SLC7A11: variants seen among roughly 807,000 people sequenced by gnomAD.
SLC7A11 encodes the protein cystine/glutamate transporter.
A neutral mutation model predicts 54.5 loss-of-function variants in SLC7A11; 35 were observed. The ratio of observed to expected loss-of-function variants is 0.64; its 90% CI spans 0.49 to 0.85. The LOEUF (loss-of-function observed/expected upper bound fraction) is 0.85, where lower values mean the gene tolerates loss of function less well. Among genes scored for constraint, SLC7A11 ranks in the 40% least tolerant of loss-of-function variants. SLC7A11 has a pLI of 0.00. For synonymous variants in SLC7A11, 230 were observed against 225.2 expected (o/e 1.02, Z -0.19); for missense variants, 583 against 618.1 (o/e 0.94, Z 0.60).
intron 1 of SLC7A11, among the ~76,000 whole-genome samples, chr4:138,239,880 T>C (rs911834229): frequency 6.6e-6 from 1 of 152,188 alleles, no homozygotes; most frequent in African/African-American, 2.4e-5. Context: ...AGTAAACTGG[T>C]TGTGGTTTTT....
At chr4:138,197,021 C>G (rs1372331830) in intron 6 of SLC7A11, among the ~76,000 whole-genome samples, 1 of 152,098 alleles carries the variant, frequency 6.6e-6, no homozygotes, top group African/African-American at 2.4e-5. Flanking sequence ...AAATTTGATT[C>G]AAATATTTTT....
chr4:138,189,829 T>A (rs936190765), intron 6 of SLC7A11, among the ~76,000 whole-genome samples: 1 of 152,112 alleles, frequency 6.6e-6, no homozygotes, highest in African/African-American at 2.4e-5. Flanking sequence ...ATCCTTGCTA[T>A]GAAAATGAAA....
chr4:138,240,166 A>T (rs1003876854), intron 1 of SLC7A11, among the ~76,000 whole-genome samples: 1 of 152,208 alleles, frequency 6.6e-6, no homozygotes, highest in African/African-American at 2.4e-5. Flanking sequence ...CAAGTTAGTT[A>T]TAAATAATAC....
chr4:138,237,733 ATATATTTTTTTTTTTTTTT>A (rs1380579490), intron 1 of SLC7A11, among the ~76,000 whole-genome samples: 13 of 11,556 alleles, frequency 1.1e-3, no homozygotes, highest in Admixed American at 5.8e-3. Flanking sequence ...ATATATATAT[ATATATTTTTTTTTTTTTTT>A]TTTTTTTTTT....
At chr4:138,214,518 C>T in intron 6 of SLC7A11, 67 bp downstream of exon 6, 1 of 907,562 alleles carries the variant, frequency 1.1e-6, no homozygotes, top group Non-Finnish European at 1.7e-6. Context: ...TTCAAGTCTG[C>T]TTTTTAAACT....
intron 6 of SLC7A11, among the ~76,000 whole-genome samples, chr4:138,185,597 C>A (rs1049572457): frequency 6.6e-6 from 1 of 152,120 alleles, no homozygotes; most frequent in Non-Finnish European, 1.5e-5. Context: ...AGCTCCACCC[C>A]ACAGTTTCCA....
chr4:138,193,180 T>G (rs1737053651), intron 6 of SLC7A11, among the ~76,000 whole-genome samples: 1 of 152,082 alleles, frequency 6.6e-6, no homozygotes, highest in Non-Finnish European at 1.5e-5. Context: ...CACCCAAAAT[T>G]GCCTCCAACA....
intron 6 of SLC7A11, 142 bp from the exon 7 acceptor site, chr4:138,185,386 T>A: frequency 1.1e-6 from 1 of 926,302 alleles, no homozygotes; most frequent in Non-Finnish European, 1.6e-6. Flanking sequence ...TATAAACATT[T>A]CATCAGGGCA....
rs113689212 is a variant in SLC7A11 at position 138,220,562 on chromosome 4, C to T, written c.647-1197G>A. On this transcript the variant is annotated intron_variant, in intron 4 of 11. Transcript: ENST00000280612. The stretch of plus-strand genomic sequence containing the variant: ...TGAATTGAACACTTCACCTTTTTCT[C>T]TATTTTATGAATCACATTGGAGCTT... Among the ~76,000 whole-genome samples, 540 of 152,232 alleles carry T rather than the reference C, an allele frequency of 3.5e-3. 2 individuals carry two copies. The highest frequency in any genetic ancestry group is 0.013 in the African/African-American group (522 of 41,558).
chr4:138,171,903 C>G lies in SLC7A11; in HGVS notation c.*53G>C, dbSNP rs1245639719. The stretch of plus-strand genomic sequence containing the variant: ...GACTTTCAGAAAATGAAGTAAAAAT[C>G]CCTATTTTGTGTCTCCCCTTGGGCA... On this transcript the variant is annotated 3_prime_UTR_variant, in exon 12 of 12. Transcript: ENST00000280612. The G allele has an allele frequency of 1.3e-6, 2 of 1,549,246 alleles. No individual in the cohort carries two copies. The highest frequency in any genetic ancestry group is 1.4e-5 in the African/African-American group (1 of 70,404).
intron 6 of SLC7A11, among the ~76,000 whole-genome samples, chr4:138,212,522 T>C (rs2148437531): frequency 6.6e-6 from 1 of 151,054 alleles, no homozygotes; most frequent in African/African-American, 2.4e-5. Flanking sequence ...AAAAAAACAC[T>C]GAATCAATAC....
At chr4:138,204,567 A>C (rs1020031370) in intron 6 of SLC7A11, among the ~76,000 whole-genome samples, 1 of 152,032 alleles carries the variant, frequency 6.6e-6, no homozygotes, top group African/African-American at 2.4e-5. Flanking sequence ...TCAGATCAAG[A>C]TCTTGTTTGT....
In SLC7A11 at chr4:138,168,750, G is replaced by A. The variant is rs1240540646; in HGVS notation, c.*3206C>T. On this transcript the variant is annotated 3_prime_UTR_variant, in exon 12 of 12. Coordinates refer to ENST00000280612, the MANE Select transcript of SLC7A11 (RefSeq NM_014331.4). ...AGCTACAGTCTAAATGCATACGCATGTTGGGAACCGAAGTCAGCCATCTTC... is the reference window on the plus strand; with the variant it reads ...AGCTACAGTCTAAATGCATACGCATATTGGGAACCGAAGTCAGCCATCTTC... The A allele has an allele frequency of 1.3e-5, 2 of 152,160 alleles. No homozygotes were observed. The highest frequency in any genetic ancestry group is 2.4e-5 in the African/African-American group (1 of 41,428). The allele number at this position is 152,160 out of a possible 1,614,324, so 9.4% of individuals were successfully genotyped here.
chr4:138,173,598 C>G (rs1259834409), intron 11 of SLC7A11, among the ~76,000 whole-genome samples: 2 of 151,510 alleles, frequency 1.3e-5, no homozygotes, highest in African/African-American at 4.9e-5. Flanking sequence ...TGCACCATTA[C>G]ACTCCAGCGT....
chr4:138,188,656 G>A (rs1238572719), intron 6 of SLC7A11, among the ~76,000 whole-genome samples: 4 of 152,248 alleles, frequency 2.6e-5, no homozygotes, highest in Non-Finnish European at 4.4e-5. Context: ...GGCTTTAGAC[G>A]CACAGCGCAG....
At chr4:138,180,303 ACT>A (rs1276814881) in intron 10 of SLC7A11, among the ~76,000 whole-genome samples, 3 of 152,102 alleles carry the variant, frequency 2.0e-5, no homozygotes, top group African/African-American at 7.2e-5. Flanking sequence ...GCTGTCCACA[ACT>A]CTAGCATAAA....
At chr4:138,228,949 C>T (rs1256679044) in intron 3 of SLC7A11, among the ~76,000 whole-genome samples, 2 of 152,006 alleles carry the variant, frequency 1.3e-5, no homozygotes, top group Non-Finnish European at 2.9e-5. Context: ...AAATGAAATA[C>T]AGTACTTAAA....
At chr4:138,228,737 C>T (rs1913363) in intron 3 of SLC7A11, among the ~76,000 whole-genome samples, 1,291 of 111,852 alleles carry the variant, frequency 0.012, 35 homozygotes, top group African/African-American at 0.042. Flanking sequence ...CCAGCCTGGG[C>T]GACAGAGCAA....
At chr4:138,198,154 CA>C (rs1381044974) in intron 6 of SLC7A11, among the ~76,000 whole-genome samples, 1 of 149,830 alleles carries the variant, frequency 6.7e-6, no homozygotes, top group East Asian at 2.0e-4. Context: ...AAAAAACAAA[CA>C]AACAGAAAAT....
Sources: allele counts gnomAD v4.1 joint callset (sites outside exome capture counted in the v4.1 genomes callset), GRCh38; gene constraint gnomAD v4.1.1; transcripts MANE v1.5; gene names NCBI Gene and HGNC (gene_info 2026-07-23, HGNC 2026-07-21).